Variants in PDE10A observed in about 807,000 individuals in gnomAD.
PDE10A encodes the protein cAMP and cAMP-inhibited cGMP 3',5'-cyclic phosphodiesterase 10A.
In PDE10A, 39 loss-of-function variants were observed where a neutral mutation model predicts 97.7. That is an observed-to-expected ratio of 0.40 (90% CI 0.31 to 0.52). PDE10A has a LOEUF of 0.52. Among genes scored for constraint, PDE10A ranks in the 20% least tolerant of loss-of-function variants. The pLI, the probability that PDE10A is intolerant of heterozygous loss-of-function variation, is 0.56. For missense variants in PDE10A, 731 were observed against 1,047.8 expected, an observed-to-expected ratio of 0.70 and a Z score of 4.17; for synonymous variants, 371 against 376.8, an observed-to-expected ratio of 0.98 and a Z score of 0.18.
chr6:165,466,914 C>T (rs1349820071), intron 3 of PDE10A, among the ~76,000 whole-genome samples: 11 of 152,046 alleles, frequency 7.2e-5, no homozygotes, highest in African/African-American at 2.4e-4. Context: ...GTCTCTTGCT[C>T]CAGTTAGTGA....
chr6:165,549,129 C>T (rs920950091), intron 1 of PDE10A, among the ~76,000 whole-genome samples: 6 of 152,116 alleles, frequency 3.9e-5, no homozygotes, highest in African/African-American at 1.4e-4. Context: ...TCATTTTCTG[C>T]CCCAGACATA....
chr6:165,546,569 T>G (rs1217908116), intron 1 of PDE10A, among the ~76,000 whole-genome samples: 1 of 151,962 alleles, frequency 6.6e-6, no homozygotes, highest in Non-Finnish European at 1.5e-5. Flanking sequence ...CTATAGAACT[T>G]TGAAAATAAG....
intron 1 of PDE10A, among the ~76,000 whole-genome samples, chr6:165,676,407 TATC>T (rs1790796817): frequency 1.3e-5 from 2 of 152,140 alleles, no homozygotes; most frequent in Non-Finnish European, 2.9e-5. Flanking sequence ...CAGTAAGAAA[TATC>T]ATGCATCAGT....
chr6:165,479,847 G>A (rs1195913773), intron 3 of PDE10A, among the ~76,000 whole-genome samples: 2 of 152,156 alleles, frequency 1.3e-5, no homozygotes, highest in Non-Finnish European at 2.9e-5. Context: ...AAGGGAAGGG[G>A]AAGAGACATA....
At chr6:165,626,607 C>T (rs1008776605) in intron 1 of PDE10A, among the ~76,000 whole-genome samples, 1 of 152,202 alleles carries the variant, frequency 6.6e-6, no homozygotes, top group Admixed American at 6.5e-5. Context: ...ACCTAAAATA[C>T]CACGGCTGAA....
intron 1 of PDE10A, among the ~76,000 whole-genome samples, chr6:165,959,333 A>G (rs1286567156): frequency 2.0e-5 from 3 of 152,092 alleles, no homozygotes; most frequent in African/African-American, 7.2e-5. Flanking sequence ...GGGAGGGCAA[A>G]TGGGGAGGAA....
intron 3 of PDE10A, among the ~76,000 whole-genome samples, chr6:165,472,131 T>C (rs1365568766): frequency 6.6e-6 from 1 of 152,136 alleles, no homozygotes; most frequent in Non-Finnish European, 1.5e-5. Flanking sequence ...CCTCAGGTCA[T>C]TTTAGGTGGT....
At chr6:165,526,086 C>T (rs564009493) in intron 2 of PDE10A, among the ~76,000 whole-genome samples, 3 of 152,274 alleles carry the variant, frequency 2.0e-5, no homozygotes, top group South Asian at 2.1e-4. Context: ...ACAGTTTATG[C>T]GGTGAATCTT....
chr6:165,740,543 G>C (rs147708232), intron 1 of PDE10A, among the ~76,000 whole-genome samples: 2,235 of 152,078 alleles, frequency 0.015, 44 homozygotes, highest in African/African-American at 0.047. Context: ...CTGTGTTAGC[G>C]AGGATAATCT....
chr6:165,605,453 T>C (rs998020442), intron 1 of PDE10A, among the ~76,000 whole-genome samples: 3 of 152,212 alleles, frequency 2.0e-5, no homozygotes, highest in Admixed American at 6.6e-5. Context: ...TTCCCAATGT[T>C]TCACAGTTTG....
intron 1 of PDE10A, among the ~76,000 whole-genome samples, chr6:165,790,123 T>G (rs1778607813): frequency 6.6e-6 from 1 of 152,232 alleles, no homozygotes; most frequent in South Asian, 2.1e-4. Flanking sequence ...TCTTGCGTAT[T>G]TCTATAAATA....
intron 16 of PDE10A, among the ~76,000 whole-genome samples, chr6:165,392,248 G>C (rs975796110): frequency 7.2e-5 from 11 of 152,144 alleles, no homozygotes; most frequent in African/African-American, 2.7e-4. Context: ...TGCTAGAGGA[G>C]GTCAAAAACA....
chr6:165,744,819 G>A (rs1792807877), intron 1 of PDE10A, among the ~76,000 whole-genome samples: 1 of 150,050 alleles, frequency 6.7e-6, no homozygotes, highest in Non-Finnish European at 1.5e-5. Flanking sequence ...TCCAGCCCAG[G>A]GTTTTAAATA....
At chr6:165,908,914 T>C (rs1376164653) in intron 1 of PDE10A, 1 of 152,196 alleles carries the variant, frequency 6.6e-6, no homozygotes, top group African/African-American at 2.4e-5. Context: ...GCCTGTTAAC[T>C]GAAGGACACG....
At chr6:165,554,726 A>G (rs1393608260) in intron 1 of PDE10A, among the ~76,000 whole-genome samples, 1 of 152,216 alleles carries the variant, frequency 6.6e-6, no homozygotes, top group Non-Finnish European at 1.5e-5. Flanking sequence ...TGTTTGTTGC[A>G]GCATTGTTTA....
At chr6:165,766,579 A>C (rs946750609) in intron 1 of PDE10A, among the ~76,000 whole-genome samples, 1 of 152,194 alleles carries the variant, frequency 6.6e-6, no homozygotes, top group Non-Finnish European at 1.5e-5. Context: ...AAACTGGTCA[A>C]GTTCCTTTGT....
chr6:165,793,051 A>T (rs1378789853), intron 1 of PDE10A, among the ~76,000 whole-genome samples: 1 of 152,166 alleles, frequency 6.6e-6, no homozygotes, highest in Non-Finnish European at 1.5e-5. Context: ...GCTCAAAAAT[A>T]ACACAATGTG....
intron 2 of PDE10A, among the ~76,000 whole-genome samples, chr6:165,485,467 C>CAAAAAAT (rs1554271346): frequency 6.0e-5 from 3 of 50,258 alleles, no homozygotes; most frequent in East Asian, 1.4e-3. Flanking sequence ...GACTCTGTCT[C>CAAAAAAT]AAAAAAAAAA....
At chr6:165,915,976 G>A (rs551396606) in intron 1 of PDE10A, among the ~76,000 whole-genome samples, 47 of 152,314 alleles carry the variant, frequency 3.1e-4, no homozygotes, top group African/African-American at 1.1e-3. Flanking sequence ...CTTTGATATG[G>A]AGGTATCCCT....
Sources: gnomAD v4.1 joint callset for allele counts (sites outside exome capture counted in the v4.1 genomes callset) on GRCh38, gnomAD v4.1.1 for gene constraint, MANE v1.5 for transcripts, NCBI Gene and HGNC (gene_info 2026-07-23, HGNC 2026-07-21) for gene names.